Variants in THSD7A observed in about 807,000 individuals in gnomAD.
THSD7A encodes the protein thrombospondin type 1 domain containing 7A, also known as thrombospondin type-1 domain-containing protein 7A.
In THSD7A, 96 loss-of-function variants were observed where a neutral mutation model predicts 231.3. That is an observed-to-expected ratio of 0.41 (90% CI 0.35 to 0.49). THSD7A has a LOEUF of 0.49. Ranked by LOEUF, THSD7A falls within the 20% of genes least tolerant of loss-of-function variation. The pLI, the probability that THSD7A is intolerant of heterozygous loss-of-function variation, is 0.05. For missense variants in THSD7A, 2,290 were observed against 2,070.2 expected, an observed-to-expected ratio of 1.11 and a Z score of -2.06; for synonymous variants, 940 against 743.3, an observed-to-expected ratio of 1.26 and a Z score of -4.30.
chr7:11,651,655 G>A (rs527869540), intron 1 of THSD7A, among the ~76,000 whole-genome samples: 1 of 151,884 alleles, frequency 6.6e-6, no homozygotes, highest in South Asian at 2.1e-4. Flanking sequence ...CAAAGCCTTG[G>A]GGAACTTTTA....
chr7:11,489,128 CT>C (rs1280748069), intron 6 of THSD7A, among the ~76,000 whole-genome samples: 1 of 152,104 alleles, frequency 6.6e-6, no homozygotes, highest in Non-Finnish European at 1.5e-5. Flanking sequence ...TATTCAGTAT[CT>C]TTTAGTCCTT....
At chr7:11,798,860 T>C (rs556499093) in intron 1 of THSD7A, among the ~76,000 whole-genome samples, 2 of 152,290 alleles carry the variant, frequency 1.3e-5, no homozygotes, top group South Asian at 4.1e-4. Flanking sequence ...TTAAAAATCA[T>C]TTTTTCCTGC....
At chr7:11,421,855 T>C (rs1583708940) in intron 16 of THSD7A, among the ~76,000 whole-genome samples, 1 of 152,342 alleles carries the variant, frequency 6.6e-6, no homozygotes, top group East Asian at 1.9e-4. Context: ...AATGTCCCTG[T>C]TGTGGCATTT....
chr7:11,407,017 G>C lies in THSD7A; in HGVS notation c.3955C>G (p.Gln1319Glu), dbSNP rs377091424. The change falls in exon 21 of 28, where the codon CAA becomes GAA. Residue 1319 changes from glutamine (Q) to glutamate (E), a missense_variant. Transcript: ENST00000423059. ...IRRRTVTQPF[Q>E]GDGRPCPSLM... ...GAAGGGCATGGTCTTCCATCACCTTGAAAGGGCTGGGTCACTGTTCGTCTT... is the reference window on the plus strand; with the variant it reads ...GAAGGGCATGGTCTTCCATCACCTTCAAAGGGCTGGGTCACTGTTCGTCTT... The C allele has an allele frequency of 2.5e-6, 4 of 1,613,754 alleles. No homozygotes were observed. The highest frequency in any genetic ancestry group is 2.5e-6 in the Non-Finnish European group (3 of 1,179,844).
chr7:11,739,729 ATC>A (rs1782042054), intron 1 of THSD7A, among the ~76,000 whole-genome samples: 1 of 151,808 alleles, frequency 6.6e-6, no homozygotes, highest in Non-Finnish European at 1.5e-5. Flanking sequence ...CCTCATCATC[ATC>A]TCTTGCCTGG....
intron 13 of THSD7A, among the ~76,000 whole-genome samples, chr7:11,442,216 A>G (rs978206303): frequency 2.0e-5 from 3 of 152,062 alleles, no homozygotes; most frequent in Admixed American, 1.3e-4. Context: ...CAATGCAGTT[A>G]TATCACTTTT....
In THSD7A at chr7:11,372,348, T is replaced by C. The variant is rs1487656941; in HGVS notation, c.*3446A>G. 2 of 151,878 alleles carry C rather than the reference T, an allele frequency of 1.3e-5. No individual in the cohort carries two copies. Among genetic ancestry groups the C allele is most frequent in the Non-Finnish European group, 2.9e-5 (2 of 67,948 alleles). 9.4% of individuals were successfully genotyped at this position (151,878 alleles called of 1,614,324 possible). On this transcript the variant is annotated 3_prime_UTR_variant, in exon 28 of 28. Transcript: ENST00000423059. ...ACAAAAGCCATTACTTTTTTTTTTT[T>C]TTTTACAATGCCTAGCAGAATGTCT... is the stretch of plus-strand genomic sequence containing the variant.
At chr7:11,467,530 C>T (rs1403819917) in intron 9 of THSD7A, among the ~76,000 whole-genome samples, 1 of 152,064 alleles carries the variant, frequency 6.6e-6, no homozygotes, top group African/African-American at 2.4e-5. Flanking sequence ...TAAGTACTGA[C>T]TCAATTAAGA....
At chr7:11,697,371 ACT>A (rs1780435172) in intron 1 of THSD7A, among the ~76,000 whole-genome samples, 2 of 151,170 alleles carry the variant, frequency 1.3e-5, no homozygotes, top group Admixed American at 1.3e-4. Context: ...TTTATTTTTA[ACT>A]CTGTAATAAT....
chr7:11,472,698 T>C (rs1488579608), intron 8 of THSD7A, among the ~76,000 whole-genome samples: 4 of 152,188 alleles, frequency 2.6e-5, no homozygotes, highest in Non-Finnish European at 5.9e-5. Context: ...CTTTCACATA[T>C]AGGCGTGTAC....
chr7:11,808,867 T>A (rs1224218023), intron 1 of THSD7A, among the ~76,000 whole-genome samples: 1 of 152,040 alleles, frequency 6.6e-6, no homozygotes, highest in African/African-American at 2.4e-5. Flanking sequence ...TACAGTATAA[T>A]TTCATAATAA....
At chr7:11,684,811 C>T (rs577186030) in intron 1 of THSD7A, among the ~76,000 whole-genome samples, 1 of 152,074 alleles carries the variant, frequency 6.6e-6, no homozygotes, top group East Asian at 1.9e-4. Flanking sequence ...AAGCAATCTA[C>T]AGATTCTAAG....
intron 1 of THSD7A, among the ~76,000 whole-genome samples, chr7:11,803,621 T>C (rs1482129711): frequency 6.6e-6 from 1 of 152,184 alleles, no homozygotes; most frequent in African/African-American, 2.4e-5. Context: ...AAATAGATGC[T>C]ATTGAGGCTC....
chr7:11,571,308 C>G (rs1244606954), intron 4 of THSD7A, among the ~76,000 whole-genome samples: 1 of 152,146 alleles, frequency 6.6e-6, no homozygotes, highest in East Asian at 1.9e-4. Flanking sequence ...TTCTGAGGAA[C>G]ATGATGTTCT....
chr7:11,800,514 A>T (rs1784245722), intron 1 of THSD7A, among the ~76,000 whole-genome samples: 1 of 152,132 alleles, frequency 6.6e-6, no homozygotes, highest in African/African-American at 2.4e-5. Flanking sequence ...GTGCTGTTGC[A>T]CTCTAGCCTG....
At chr7:11,428,627 A>G (rs554942544) in intron 14 of THSD7A, among the ~76,000 whole-genome samples, 1 of 152,334 alleles carries the variant, frequency 6.6e-6, no homozygotes, top group South Asian at 2.1e-4. Context: ...TAAGAATGAG[A>G]TAATCTCAGC....
intron 1 of THSD7A, among the ~76,000 whole-genome samples, chr7:11,668,833 C>G (rs1253231511): frequency 1.3e-5 from 2 of 152,034 alleles, no homozygotes; most frequent in Non-Finnish European, 2.9e-5. Flanking sequence ...TCCTTTAAAG[C>G]CAAAGAATGA....
At chr7:11,427,518 A>C (rs1299265593) in intron 14 of THSD7A, among the ~76,000 whole-genome samples, 2 of 152,270 alleles carry the variant, frequency 1.3e-5, no homozygotes, top group East Asian at 3.9e-4. Flanking sequence ...TGAGGTTTTG[A>C]ACCTTTGGAA....
intron 8 of THSD7A, among the ~76,000 whole-genome samples, chr7:11,472,622 T>C (rs1785982962): frequency 6.6e-6 from 1 of 152,200 alleles, no homozygotes; most frequent in Non-Finnish European, 1.5e-5. Flanking sequence ...TGAATTATTG[T>C]GGTAGTATCA....
Sources: allele counts gnomAD v4.1 joint callset (sites outside exome capture counted in the v4.1 genomes callset), GRCh38; gene constraint gnomAD v4.1.1; transcripts MANE v1.5; gene names NCBI Gene and HGNC (gene_info 2026-07-23, HGNC 2026-07-21).